The following PIK3R3 variants were observed in gnomAD, a reference collection of about 807,000 sequenced individuals.
PIK3R3 encodes the protein phosphoinositide-3-kinase regulatory subunit 3.
In PIK3R3, 64 loss-of-function variants were observed where a neutral mutation model predicts 62.9. That is an observed-to-expected ratio of 1.02 (90% CI 0.83 to 1.25). PIK3R3 has a LOEUF of 1.25. Ranked by LOEUF, PIK3R3 falls within the 50% of genes most tolerant of loss-of-function variation. The probability of loss-of-function intolerance (pLI) is 0.00; values close to 1 mark genes in which losing one functional copy is unlikely to be tolerated. For missense variants in PIK3R3, 614 were observed against 561.6 expected (o/e 1.09, Z -0.94); for synonymous variants, 165 against 189.0 (o/e 0.87, Z 1.04).
chr1:46,063,672 T>A (rs1648728734), intron 5 of PIK3R3, among the ~76,000 whole-genome samples: 1 of 152,180 alleles, frequency 6.6e-6, no homozygotes, highest in East Asian at 1.9e-4. Context: ...CCACCAAAAC[T>A]ATAAACCTAC....
chr1:46,063,141 GTTAT>G (rs760458642), intron 5 of PIK3R3, among the ~76,000 whole-genome samples: 4 of 152,178 alleles, frequency 2.6e-5, no homozygotes, highest in Non-Finnish European at 5.9e-5. Context: ...TTATTAACTA[GTTAT>G]TTATTGCTTT....
intron 5 of PIK3R3, 28 bp from the exon 6 acceptor site, chr1:46,062,099 G>T: frequency 6.4e-7 from 1 of 1,564,178 alleles, no homozygotes; most frequent in South Asian, 1.2e-5. Flanking sequence ...AAAAAACACA[G>T]GCTTCATTAT....
chr1:46,103,663 C>T (rs1418585307), intron 1 of PIK3R3, among the ~76,000 whole-genome samples: 2 of 151,986 alleles, frequency 1.3e-5, no homozygotes, highest in Non-Finnish European at 2.9e-5. Flanking sequence ...AGCACGATCT[C>T]GGCTCACTGC....
chr1:46,159,852 T>G, the PIK3R3 span, among the ~76,000 whole-genome samples: 1 of 152,110 alleles, frequency 6.6e-6, no homozygotes, highest in East Asian at 1.9e-4. Context: ...CTACCCAAAT[T>G]TAATACTAAA....
chr1:46,093,038 C>G (rs746144872), intron 1 of PIK3R3, among the ~76,000 whole-genome samples: 2 of 152,186 alleles, frequency 1.3e-5, no homozygotes, highest in Non-Finnish European at 2.9e-5. Flanking sequence ...AAAAATCTTA[C>G]CCTAAATTTA....
intron 3 of PIK3R3, among the ~76,000 whole-genome samples, chr1:46,071,463 A>G (rs1356449203): frequency 6.6e-6 from 1 of 151,550 alleles, no homozygotes; most frequent in Non-Finnish European, 1.5e-5. Flanking sequence ...TGGGAGGCCG[A>G]GGCGGGCAGA....
intron 1 of PIK3R3, among the ~76,000 whole-genome samples, chr1:46,103,802 G>C (rs1266890774): frequency 6.6e-6 from 1 of 151,856 alleles, no homozygotes; most frequent in Non-Finnish European, 1.5e-5. Flanking sequence ...CACCATGTTG[G>C]CCAGGCTGGT....
At chr1:46,122,965 T>C (rs374631893) in intron 1 of PIK3R3, among the ~76,000 whole-genome samples, 12 of 152,198 alleles carry the variant, frequency 7.9e-5, no homozygotes, top group East Asian at 5.8e-4. Context: ...CACATGACTG[T>C]AGTCCCAGTT....
intron 1 of PIK3R3, among the ~76,000 whole-genome samples, chr1:46,093,386 T>G (rs1291415226): frequency 1.3e-5 from 2 of 152,196 alleles, no homozygotes; most frequent in African/African-American, 4.8e-5. Context: ...TGTAAGGGAT[T>G]TGCAATGCCC....
intron 1 of PIK3R3, among the ~76,000 whole-genome samples, chr1:46,101,171 C>CAAAAA (rs1171228788): frequency 1.4e-5 from 1 of 73,568 alleles, no homozygotes; most frequent in African/African-American, 6.0e-5. Context: ...GACTCCGTCT[C>CAAAAA]AAAAAAAAAA....
At chr1:46,141,140 G>A in the PIK3R3 span, among the ~76,000 whole-genome samples, 15 of 152,092 alleles carry the variant, frequency 9.9e-5, no homozygotes, top group East Asian at 3.9e-4. Flanking sequence ...GATTACAGGC[G>A]TGAGCCACTG....
intron 1 of PIK3R3, among the ~76,000 whole-genome samples, chr1:46,103,732 T>A (rs992247750): frequency 9.3e-5 from 14 of 151,156 alleles, no homozygotes; most frequent in Non-Finnish European, 1.9e-4. Flanking sequence ...GTAGCTGGGA[T>A]TACAGGTGCC....
At chr1:46,146,285 G>A in the PIK3R3 span, among the ~76,000 whole-genome samples, 4 of 152,142 alleles carry the variant, frequency 2.6e-5, no homozygotes, top group Non-Finnish European at 5.9e-5. Context: ...GACAGAAGCA[G>A]GGATGCAGCT....
the PIK3R3 span, among the ~76,000 whole-genome samples, chr1:46,140,866 T>G: frequency 2.0e-5 from 3 of 152,060 alleles, no homozygotes; most frequent in Admixed American, 2.0e-4. Context: ...TGTTTTTTTG[T>G]TTTTTTGTTT....
At chr1:46,165,604 C>T in the PIK3R3 span, among the ~76,000 whole-genome samples, 31 of 151,900 alleles carry the variant, frequency 2.0e-4, no homozygotes, top group African/African-American at 7.0e-4. Context: ...CTGCGCCTGG[C>T]CCCTATTATT....
chr1:46,058,188 C>CA (rs1361558773), intron 6 of PIK3R3, among the ~76,000 whole-genome samples: 1 of 152,232 alleles, frequency 6.6e-6, no homozygotes, highest in Non-Finnish European at 1.5e-5. Flanking sequence ...ATTGAGCCTG[C>CA]AGGTGCACAG....
chr1:46,136,149 A>G (rs1328052425), upstream of PIK3R3, among the ~76,000 whole-genome samples: 1 of 151,606 alleles, frequency 6.6e-6, no homozygotes, highest in East Asian at 1.9e-4. Flanking sequence ...ACCAGCCTCA[A>G]TACCTTCTTT....
intron 1 of PIK3R3, chr1:46,105,245 T>C: frequency 2.8e-6 from 1 of 355,940 alleles, no homozygotes; most frequent in Non-Finnish European, 5.2e-6. Context: ...GGCTCACACC[T>C]GTAATCCCAG....
At chr1:46,120,360 A>G (rs1654556780) in intron 1 of PIK3R3, among the ~76,000 whole-genome samples, 1 of 152,118 alleles carries the variant, frequency 6.6e-6, no homozygotes. Flanking sequence ...GGTGGATCAC[A>G]AGGTCAAGAG....
Sources: allele counts gnomAD v4.1 joint callset (sites outside exome capture counted in the v4.1 genomes callset), GRCh38; gene constraint gnomAD v4.1.1; transcripts MANE v1.5; gene names NCBI Gene and HGNC (gene_info 2026-07-23, HGNC 2026-07-21).